Variants in SERPINA12 observed in about 807,000 individuals in gnomAD.
SERPINA12 encodes the protein serpin A12.
In SERPINA12, 21 loss-of-function variants were observed where a neutral mutation model predicts 25.9. The ratio of observed to expected loss-of-function variants is 0.81; its 90% CI spans 0.58 to 1.17. The LOEUF is 1.17. Among genes scored for constraint, SERPINA12 ranks in the 50% most tolerant of loss-of-function variants. The pLI is 0.00. For synonymous variants in SERPINA12, 220 were observed against 196.0 expected (o/e 1.12, Z -1.02); for missense variants, 562 against 508.3 (o/e 1.11, Z -1.02).
At position 94,497,815 on chromosome 14, in the gene SERPINA12, T is replaced by G. The variant is rs1900503457; in HGVS notation, c.583A>C (p.Asn195His). 6.2e-7 allele frequency: 1 copy of G among 1,613,936 alleles called. No individual in the cohort carries two copies. The change falls in exon 2 of 5, where the codon AAT (asparagine) becomes CAT (histidine). Residue 195 changes from asparagine (N) to histidine (H), a missense_variant. Physicochemically the swap from Asn to His is moderately conservative, Grantham distance 68. Coordinates refer to ENST00000677451, the MANE Select transcript of SERPINA12 (RefSeq NM_001382267.1). ...AGCATCACAGTGCCGGGGTCTATAT[T>G]CTCGATCAGGTTGTTAATTTTCCCA... The part of the protein sequence containing the change: ...THGKINNLIE[N>H]IDPGTVMLLA...
chr14:94,508,504 A>G (rs1901011428), intron 1 of SERPINA12, among the ~76,000 whole-genome samples: 1 of 152,236 alleles, frequency 6.6e-6, no homozygotes, highest in South Asian at 2.1e-4. Flanking sequence ...TGCTATTAGG[A>G]AACAAACAAA....
chr14:94,499,429 G>C (rs768678089), intron 1 of SERPINA12, among the ~76,000 whole-genome samples: 1 of 152,188 alleles, frequency 6.6e-6, no homozygotes, highest in Non-Finnish European at 1.5e-5. Context: ...ATTCTGCAGA[G>C]AGATGCTAAA....
At chr14:94,495,681 C>T (rs1329168558) in intron 3 of SERPINA12, among the ~76,000 whole-genome samples, 4 of 152,066 alleles carry the variant, frequency 2.6e-5, no homozygotes, top group Admixed American at 1.3e-4. Flanking sequence ...GGAAACTGCC[C>T]ACTCTGCTAC....
chr14:94,511,512 C>T, upstream of SERPINA12: 1 of 985,418 alleles, frequency 1.0e-6, no homozygotes, highest in Non-Finnish European at 1.2e-6. Context: ...AAGGCTGCGG[C>T]TGTTAAATGC....
intron 2 of SERPINA12, among the ~76,000 whole-genome samples, chr14:94,514,825 C>T (rs186920386): frequency 1.3e-5 from 2 of 152,170 alleles, no homozygotes; most frequent in East Asian, 1.9e-4. Flanking sequence ...AGCCACTGGT[C>T]GGAGTGCAGT....
At chr14:94,499,387 T>A (rs1190275536) in intron 1 of SERPINA12, among the ~76,000 whole-genome samples, 1 of 152,200 alleles carries the variant, frequency 6.6e-6, no homozygotes, top group Non-Finnish European at 1.5e-5. Context: ...GACAAGACTT[T>A]TAGCTACGTT....
chr14:94,497,664 G>A (rs1484180173), intron 2 of SERPINA12, 100 bp downstream of exon 2: 1 of 1,093,844 alleles, frequency 9.1e-7, no homozygotes, highest in Non-Finnish European at 1.3e-6. Context: ...AATCACATAT[G>A]AATTCAAGGT....
At chr14:94,494,103 G>A (rs1221961880) in intron 3 of SERPINA12, among the ~76,000 whole-genome samples, 2 of 152,170 alleles carry the variant, frequency 1.3e-5, no homozygotes, top group Non-Finnish European at 2.9e-5. Flanking sequence ...TGAGTCCTAC[G>A]GGAAATGTCA....
chr14:94,514,596 G>T (rs939089475), intron 2 of SERPINA12, among the ~76,000 whole-genome samples: 1 of 152,232 alleles, frequency 6.6e-6, no homozygotes, highest in Non-Finnish European at 1.5e-5. Context: ...GGCATTGGGG[G>T]TGGGGTGCAA....
intron 1 of SERPINA12, among the ~76,000 whole-genome samples, chr14:94,500,665 G>A (rs141897822): frequency 2.6e-5 from 4 of 152,196 alleles, no homozygotes; most frequent in African/African-American, 7.2e-5. Flanking sequence ...CGGCAGGCAG[G>A]GACTAACAGC....
intron 4 of SERPINA12, among the ~76,000 whole-genome samples, chr14:94,487,742 G>A (rs1899965613): frequency 2.0e-5 from 3 of 152,178 alleles, no homozygotes; most frequent in Admixed American, 2.0e-4. Flanking sequence ...TGGGGGGAGA[G>A]ATGGAGTGGG....
intron 1 of SERPINA12, chr14:94,504,028 C>T (rs1399370966): frequency 2.0e-5 from 3 of 152,248 alleles, no homozygotes; most frequent in Non-Finnish European, 4.4e-5. Flanking sequence ...CTTTCATACA[C>T]CCACCTGTGG....
At position 94,496,604 on chromosome 14, in the gene SERPINA12, T is replaced by G. The variant is rs1279586018; in HGVS notation, c.674A>C (p.Glu225Ala). 1 of 1,614,074 alleles carries G rather than the reference T, an allele frequency of 6.2e-7. No homozygotes were observed. The highest frequency in any genetic ancestry group is 2.2e-5 in the East Asian group (1 of 44,888). The change falls in exon 3 of 5, where the codon GAG becomes GCG. Residue 225 changes from glutamate to alanine, a missense_variant. By Grantham distance (107) the Glu-to-Ala change is moderately radical. Transcript: ENST00000677451. ...GTTTTTCTCCAGAAAGAAATCTTCC[T>G]CTTTAGTTACATTTGGATCAAACTC... The part of the protein sequence containing the change: ...KHEFDPNVTK[E>A]EDFFLEKNSS...
Position 94,517,190 on chromosome 14 carries a change from T to C in SERPINA12, c.-353+211A>G, listed in dbSNP as rs971257372. 2.0e-5 allele frequency among the ~76,000 whole-genome samples: 3 copies of C among 148,864 alleles called. No homozygotes were observed. In the South Asian group the frequency reaches 6.2e-4, roughly 31 times the overall value. ...TCACAGGCATCAGACAGTGGGACCA[T>C]GTGTAGCACAGCCTTGCACCCAGGC... On this transcript the variant is annotated intron_variant, in intron 1 of 5. Coordinates refer to the SERPINA12 transcript ENST00000341228.
chr14:94,511,959 G>T (rs991808770), upstream of SERPINA12, among the ~76,000 whole-genome samples: 1 of 152,108 alleles, frequency 6.6e-6, no homozygotes, highest in African/African-American at 2.4e-5. Context: ...TTAGCTGGGA[G>T]TGGTGTCTCG....
At chr14:94,489,133 A>AAGAGAG (rs368739327) in intron 4 of SERPINA12, among the ~76,000 whole-genome samples, 3 of 145,796 alleles carry the variant, frequency 2.1e-5, no homozygotes, top group South Asian at 2.2e-4. Flanking sequence ...GGAAGGAAGG[A>AAGAGAG]AGAGAGAGAG....
chr14:94,500,169 C>T (rs1318025228), intron 1 of SERPINA12, among the ~76,000 whole-genome samples: 1 of 152,124 alleles, frequency 6.6e-6, no homozygotes, highest in African/African-American at 2.4e-5. Context: ...GTGGATAGAG[C>T]CTTGATCACA....
At chr14:94,517,465 G>A (rs1029119461) in exon 1 of SERPINA12, 1 of 152,214 alleles carries the variant, frequency 6.6e-6, no homozygotes, top group African/African-American at 2.4e-5. Flanking sequence ...TCCCTGTAGG[G>A]CCGATGAGTC....
At chr14:94,501,680 G>A (rs868446607) in intron 1 of SERPINA12, among the ~76,000 whole-genome samples, 49 of 46,844 alleles carry the variant, frequency 1.0e-3, no homozygotes, top group African/African-American at 4.3e-3. Context: ...CCCCACCCCC[G>A]CCCCAAGGGA....
Sources: allele counts gnomAD v4.1 joint callset (sites outside exome capture counted in the v4.1 genomes callset), GRCh38; gene constraint gnomAD v4.1.1; transcripts MANE v1.5; gene names NCBI Gene and HGNC (gene_info 2026-07-23, HGNC 2026-07-21).